PRKN: variants seen among roughly 807,000 people sequenced by gnomAD.
The protein encoded by PRKN is E3 ubiquitin-protein ligase parkin.
A neutral mutation model predicts 59.5 loss-of-function variants in PRKN; 56 were observed. The observed-to-expected ratio is 0.94, with a 90% CI of 0.76 to 1.18. PRKN has a LOEUF of 1.18. Among genes scored for constraint, PRKN ranks in the 50% most tolerant of loss-of-function variants. The probability of loss-of-function intolerance (pLI) is 0.00; values close to 1 mark genes in which losing one functional copy is unlikely to be tolerated. For synonymous variants in PRKN, 250 were observed against 222.1 expected, an observed-to-expected ratio of 1.13 and a Z score of -1.12; for missense variants, 657 against 596.4, an observed-to-expected ratio of 1.10 and a Z score of -1.06.
At chr6:161,782,994 C>A (rs1305087464) in intron 7 of PRKN, among the ~76,000 whole-genome samples, 1 of 151,978 alleles carries the variant, frequency 6.6e-6, no homozygotes, top group African/African-American at 2.4e-5. Flanking sequence ...GAGTTTATAT[C>A]CCTATAAGGA....
chr6:162,569,924 C>A (rs904541567), intron 1 of PRKN, among the ~76,000 whole-genome samples: 1 of 152,088 alleles, frequency 6.6e-6, no homozygotes, highest in Admixed American at 6.6e-5. Context: ...AACTCAACTG[C>A]TTTTATTTTT....
At chr6:162,111,536 TCA>T (rs1462309574) in intron 4 of PRKN, among the ~76,000 whole-genome samples, 2 of 152,016 alleles carry the variant, frequency 1.3e-5, no homozygotes, top group Non-Finnish European at 1.5e-5. Flanking sequence ...ACGTGCACAC[TCA>T]CATACATACA....
At chr6:162,031,153 G>T (rs1409987800) in intron 5 of PRKN, among the ~76,000 whole-genome samples, 1 of 151,896 alleles carries the variant, frequency 6.6e-6, no homozygotes, top group African/African-American at 2.4e-5. Context: ...GTCCTCCAAG[G>T]CCTGAGAAGG....
intron 7 of PRKN, among the ~76,000 whole-genome samples, chr6:161,574,285 G>T (rs534815541): frequency 6.6e-6 from 1 of 152,226 alleles, no homozygotes; most frequent in Non-Finnish European, 1.5e-5. Flanking sequence ...AGGGAGACAG[G>T]AAAACGTTAG....
chr6:161,393,193 A>G lies in PRKN; in HGVS notation c.1084-6316T>C, dbSNP rs1423038768. ...CACAGTAAACACAACAACACAACAA[A>G]TAGTTTTCTCCATGGGGCTATGATG... On this transcript the variant is annotated intron_variant, in intron 9 of 11. Coordinates refer to ENST00000366898, the MANE Select transcript of PRKN (RefSeq NM_004562.3). The surrounding 1 kb of genome is among the most constrained non-coding windows in gnomAD (Gnocchi z 4.7). 6.6e-6 allele frequency among the ~76,000 whole-genome samples: 1 copy of G among 151,880 alleles called. No individual in the cohort carries two copies. The highest frequency in any genetic ancestry group is 2.4e-5 in the African/African-American group (1 of 41,364).
At chr6:162,709,001 G>A (rs745528404) in intron 1 of PRKN, among the ~76,000 whole-genome samples, 1 of 152,172 alleles carries the variant, frequency 6.6e-6, no homozygotes, top group Non-Finnish European at 1.5e-5. Flanking sequence ...TCTCACCGGA[G>A]CGTGAACCCT....
intron 6 of PRKN, among the ~76,000 whole-genome samples, chr6:161,829,343 T>C (rs1792380991): frequency 6.6e-6 from 1 of 152,246 alleles, no homozygotes; most frequent in African/African-American, 2.4e-5. Context: ...CAGTCTGGTC[T>C]GCAGGGCTTT....
At chr6:161,541,037 A>G (rs1562514558) in intron 9 of PRKN, among the ~76,000 whole-genome samples, 1 of 152,238 alleles carries the variant, frequency 6.6e-6, no homozygotes, top group Non-Finnish European at 1.5e-5. Context: ...ACAGCTGAAT[A>G]GCTCAAAGTG....
At chr6:161,817,977 T>C (rs1034473365) in intron 6 of PRKN, among the ~76,000 whole-genome samples, 1 of 152,140 alleles carries the variant, frequency 6.6e-6, no homozygotes, top group African/African-American at 2.4e-5. Context: ...ATTCCTTGGA[T>C]AGTCTACTGG....
intron 6 of PRKN, among the ~76,000 whole-genome samples, chr6:161,927,749 T>C (rs1779020726): frequency 6.6e-6 from 1 of 151,590 alleles, no homozygotes; most frequent in African/African-American, 2.4e-5. Context: ...CACTCCAGCC[T>C]GGGCAACAAA....
intron 9 of PRKN, among the ~76,000 whole-genome samples, chr6:161,509,193 G>C (rs1778286234): frequency 1.1e-5 from 1 of 92,756 alleles, no homozygotes; most frequent in Non-Finnish European, 2.2e-5. Context: ...GGTATCTAAA[G>C]ACTTTTCTTT....
intron 6 of PRKN, among the ~76,000 whole-genome samples, chr6:161,893,479 T>C (rs532733438): frequency 1.3e-5 from 2 of 152,294 alleles, no homozygotes; most frequent in East Asian, 3.9e-4. Flanking sequence ...GACACTGGGC[T>C]CAAACCTTAA....
At chr6:162,227,345 T>C (rs1180127311) in intron 3 of PRKN, among the ~76,000 whole-genome samples, 2 of 152,188 alleles carry the variant, frequency 1.3e-5, no homozygotes, top group African/African-American at 2.4e-5. Flanking sequence ...GCAAATTTTA[T>C]CTTGCTTTTC....
intron 5 of PRKN, among the ~76,000 whole-genome samples, chr6:162,011,235 A>ACTATATATAATATGGTATATAT (rs1562458427): frequency 4.0e-4 from 1 of 2,488 alleles, no homozygotes; most frequent in Non-Finnish European, 1.6e-3. Flanking sequence ...TATAATATAT[A>ACTATATATAATATGGTATATAT]ATTTATAATA....
Position 161,396,420 on chromosome 6 carries a change from T to G in PRKN, c.1084-9543A>C, listed in dbSNP as rs1445819634. Among the ~76,000 whole-genome samples the G allele has an allele frequency of 6.6e-6, 1 of 152,190 alleles. No homozygotes were observed. The highest frequency in any genetic ancestry group is 2.4e-5 in the African/African-American group (1 of 41,434). On this transcript the variant is annotated intron_variant, in intron 9 of 11. Coordinates refer to ENST00000366898, the MANE Select transcript of PRKN (RefSeq NM_004562.3). This position sits in a 1 kb window ranked among gnomAD's most constrained non-coding sequence, Gnocchi z 5.4. ...CCAATTTTGCTTTAAAATGAGCATT[T>G]CTCAGACCTTATGGAGCAGTTGGCT...
chr6:161,648,109 G>C (rs1388250052), intron 7 of PRKN, among the ~76,000 whole-genome samples: 1 of 152,222 alleles, frequency 6.6e-6, no homozygotes. Flanking sequence ...TTCAGGTGGA[G>C]ACAAAACAAG....
chr6:162,145,134 A>C (rs77177664), intron 4 of PRKN, among the ~76,000 whole-genome samples: 2,086 of 152,318 alleles, frequency 0.014, 63 homozygotes, highest in African/African-American at 0.047. Flanking sequence ...AACTCTTCTG[A>C]TGATGATGGG....
intron 6 of PRKN, among the ~76,000 whole-genome samples, chr6:161,950,560 C>T (rs1310140646): frequency 6.6e-6 from 1 of 152,036 alleles, no homozygotes; most frequent in Non-Finnish European, 1.5e-5. Flanking sequence ...AAGTGGTTCT[C>T]TCTTTGCAAT....
intron 5 of PRKN, among the ~76,000 whole-genome samples, chr6:162,044,581 T>C (rs551006202): frequency 1.1e-4 from 17 of 152,236 alleles, no homozygotes; most frequent in Non-Finnish European, 1.8e-4. Context: ...TCATGAGGAC[T>C]GGATAGAGCT....
Sources: gnomAD v4.1 joint callset for allele counts (sites outside exome capture counted in the v4.1 genomes callset) on GRCh38, gnomAD v4.1.1 for gene constraint, Gnocchi (gnomAD v3.1) non-coding constraint, MANE v1.5 for transcripts, NCBI Gene and HGNC (gene_info 2026-07-23, HGNC 2026-07-21) for gene names.